The following PLCL1 variants were observed in gnomAD, a reference collection of about 807,000 sequenced individuals.
PLCL1 encodes the protein phospholipase C like 1 (inactive).
In PLCL1, 41 loss-of-function variants were observed where a neutral mutation model predicts 84.4. The observed-to-expected ratio is 0.49, with a 90% confidence interval of 0.38 to 0.63. PLCL1 has a LOEUF of 0.63. PLCL1 is among the 30% of genes least tolerant of loss of function. The probability of loss-of-function intolerance (pLI) is 0.00; values close to 1 mark genes in which losing one functional copy is unlikely to be tolerated. For synonymous variants in PLCL1, 490 were observed against 488.3 expected (o/e 1.00, Z -0.05); for missense variants, 1,206 against 1,367.8 (o/e 0.88, Z 1.87).
Position 197,805,119 on chromosome 2 carries a change from G to A in PLCL1, c.20G>A (p.Gly7Asp). Residue 7 changes from glycine to aspartate, a missense_variant, in exon 1 of 6, where the codon GGC becomes GAC. By Grantham distance (94) the Gly-to-Asp change is moderately conservative. Transcript: ENST00000428675. The surrounding 1 kb of genome is among the most constrained non-coding windows in gnomAD (Gnocchi z 4.0). The stretch of plus-strand genomic sequence containing the variant: ...CAGGCCATGGCCGAGGGCGCGGCCG[G>A]CAGGGAGGATCCGGCGCCGCCCGAC... MAEGAA[G>D]REDPAPPDAA... 7.6e-7 allele frequency: 1 copy of A among 1,324,368 alleles called. No homozygotes were observed. Among genetic ancestry groups the A allele is most frequent in the Non-Finnish European group, 9.6e-7 (1 of 1,041,954 alleles). The allele number at this position is 1,324,368 out of a possible 1,614,324, so 82.0% of individuals were successfully genotyped here.
At chr2:198,024,145 G>A (rs1691206850) in intron 1 of PLCL1, among the ~76,000 whole-genome samples, 1 of 152,030 alleles carries the variant, frequency 6.6e-6, no homozygotes, top group Admixed American at 6.6e-5. Flanking sequence ...AACTAACAGA[G>A]GAACAGAAAA....
At chr2:197,969,377 A>G (rs1689814042) in intron 1 of PLCL1, among the ~76,000 whole-genome samples, 1 of 152,170 alleles carries the variant, frequency 6.6e-6, no homozygotes. Flanking sequence ...TCTCAAGGCT[A>G]GACTCTGAGT....
intron 1 of PLCL1, among the ~76,000 whole-genome samples, chr2:197,900,461 A>T (rs1237420752): frequency 6.6e-6 from 1 of 152,212 alleles, no homozygotes; most frequent in African/African-American, 2.4e-5. Flanking sequence ...ACAGAATTTA[A>T]TGTTGTATAT....
chr2:198,108,953 A>T, intron 5 of PLCL1, among the ~76,000 whole-genome samples: 1 of 151,896 alleles, frequency 6.6e-6, no homozygotes, highest in Non-Finnish European at 1.5e-5. Flanking sequence ...TTAGGATGAT[A>T]GGATGATTCA....
chr2:197,994,418 A>T (rs1406145869), intron 1 of PLCL1, among the ~76,000 whole-genome samples: 5 of 152,210 alleles, frequency 3.3e-5, no homozygotes, highest in Non-Finnish European at 7.4e-5. Context: ...AAAAGTTTGT[A>T]TATTTTGGTA....
At chr2:197,810,869 A>AT (rs926169722) in intron 1 of PLCL1, among the ~76,000 whole-genome samples, 38 of 68,468 alleles carry the variant, frequency 5.6e-4, no homozygotes, top group African/African-American at 9.5e-4. Context: ...AACACTGTAT[A>AT]TTTTAAAAAA....
chr2:198,040,331 G>A (rs757083419), intron 1 of PLCL1, among the ~76,000 whole-genome samples: 4 of 152,128 alleles, frequency 2.6e-5, no homozygotes, highest in Admixed American at 6.6e-5. Context: ...TTATTTGCAG[G>A]TTTTGCTTTT....
rs566935236 is a variant in PLCL1 at position 198,020,753 on chromosome 2, T to G, written c.241-63005T>G. On this transcript the variant is annotated intron_variant, in intron 1 of 5. Transcript: ENST00000428675. ...GAGCACCCAGATTCATAAAGCAAGT[T>G]CTTAGAGGCCTACAAAGAGACTTAG... Among the ~76,000 whole-genome samples the G allele has an allele frequency of 2.3e-4, 35 of 152,126 alleles. No individual in the cohort carries two copies. In the South Asian group the frequency reaches 2.7e-3, roughly 12 times the overall value.
intron 1 of PLCL1, among the ~76,000 whole-genome samples, chr2:198,075,990 A>G (rs963355591): frequency 3.9e-5 from 6 of 152,258 alleles, no homozygotes; most frequent in African/African-American, 1.2e-4. Flanking sequence ...TCTTGCAGAA[A>G]AACCCTAACT....
intron 1 of PLCL1, among the ~76,000 whole-genome samples, chr2:198,075,982 T>C (rs1692568621): frequency 6.6e-6 from 1 of 152,222 alleles, no homozygotes; most frequent in Non-Finnish European, 1.5e-5. Context: ...AGAATCATTC[T>C]TGCAGAAAAA....
intron 1 of PLCL1, among the ~76,000 whole-genome samples, chr2:198,028,133 G>T (rs1479861620): frequency 6.6e-6 from 1 of 152,126 alleles, no homozygotes; most frequent in African/African-American, 2.4e-5. Context: ...GAGCTGCCAT[G>T]TGCGGCCAGG....
chr2:198,045,591 A>G (rs1364013911), intron 1 of PLCL1, among the ~76,000 whole-genome samples: 1 of 152,216 alleles, frequency 6.6e-6, no homozygotes, highest in Non-Finnish European at 1.5e-5. Flanking sequence ...GCATTAATTT[A>G]TATTTAATAT....
At chr2:197,835,189 T>C (rs1177085747) in intron 1 of PLCL1, among the ~76,000 whole-genome samples, 1 of 152,112 alleles carries the variant, frequency 6.6e-6, no homozygotes, top group Non-Finnish European at 1.5e-5. Context: ...GAGAAATACC[T>C]AATGTAGATG....
At chr2:197,903,569 C>T (rs1193114848) in intron 1 of PLCL1, among the ~76,000 whole-genome samples, 1 of 141,486 alleles carries the variant, frequency 7.1e-6, no homozygotes, top group Non-Finnish European at 1.5e-5. Context: ...CTGCAAGCTC[C>T]TCCTCCCGGG....
chr2:197,822,302 T>G (rs1690830511), intron 1 of PLCL1, among the ~76,000 whole-genome samples: 1 of 152,154 alleles, frequency 6.6e-6, no homozygotes, highest in Non-Finnish European at 1.5e-5. Flanking sequence ...GGAGCCAATT[T>G]CATTTTCAGT....
rs548735842 is a variant in PLCL1 at position 197,942,547 on chromosome 2, A to G, written c.240+137208A>G. ...CCTATAGCAGTTATATTGGCATTTC[A>G]AAGCAGGAAATAAAAAGTATGACGA... On this transcript the variant is annotated intron_variant, in intron 1 of 5. Coordinates refer to ENST00000428675, the MANE Select transcript of PLCL1 (RefSeq NM_006226.4). Among the ~76,000 whole-genome samples the G allele has an allele frequency of 2.2e-4, 33 of 152,374 alleles. No homozygotes were observed. The South Asian group carries it at 6.4e-3, about 30-fold the overall frequency.
intron 5 of PLCL1, among the ~76,000 whole-genome samples, chr2:198,141,665 C>T (rs1694391320): frequency 6.6e-6 from 1 of 152,158 alleles, no homozygotes; most frequent in Non-Finnish European, 1.5e-5. Flanking sequence ...CAGCCCTCCA[C>T]AGTATGGTCC....
chr2:198,052,553 T>G (rs1691964128), intron 1 of PLCL1, among the ~76,000 whole-genome samples: 1 of 152,004 alleles, frequency 6.6e-6, no homozygotes, highest in Non-Finnish European at 1.5e-5. Flanking sequence ...TACCTTACAC[T>G]AATTGACATA....
intron 1 of PLCL1, among the ~76,000 whole-genome samples, chr2:197,991,303 G>T (rs192390419): frequency 6.6e-6 from 1 of 152,238 alleles, no homozygotes; most frequent in Non-Finnish European, 1.5e-5. Context: ...CTTAGACTGG[G>T]AATACCACTG....
Sources: gnomAD v4.1 joint callset for allele counts (sites outside exome capture counted in the v4.1 genomes callset) on GRCh38, gnomAD v4.1.1 for gene constraint, Gnocchi (gnomAD v3.1) non-coding constraint, MANE v1.5 for transcripts, NCBI Gene and HGNC (gene_info 2026-07-23, HGNC 2026-07-21) for gene names.